ZMYM3: variants seen among roughly 807,000 people sequenced by gnomAD.
ZMYM3 encodes the protein zinc finger MYM-type containing 3.
ZMYM3 carries 6 observed loss-of-function variants against 94.2 expected under a neutral mutation model. That is an observed-to-expected ratio of 0.06 (90% CI 0.03 to 0.13). The LOEUF (loss-of-function observed/expected upper bound fraction) is 0.13, where lower values mean the gene tolerates loss of function less well. Among genes scored for constraint, ZMYM3 ranks in the 10% least tolerant of loss-of-function variants. The pLI, the probability that ZMYM3 is intolerant of heterozygous loss-of-function variation, is 1.00. For missense variants in ZMYM3, 664 were observed against 1,132.6 expected, an observed-to-expected ratio of 0.59 and a Z score of 5.94; for synonymous variants, 420 against 426.5, an observed-to-expected ratio of 0.98 and a Z score of 0.19.
At position 71,251,604 on chromosome X, in the gene ZMYM3, G is replaced by A. The variant is rs1447535831; in HGVS notation, c.668-3C>T. 8.4e-7 allele frequency: 1 copy of A among 1,186,020 alleles called. No homozygotes were observed. Among genetic ancestry groups the A allele is most frequent in the Admixed American group, 2.3e-5 (1 of 43,260 alleles). On this transcript the variant is annotated splice_region_variant and splice_polypyrimidine_tract_variant and intron_variant, in intron 2 of 24. Coordinates refer to ENST00000314425, the MANE Select transcript of ZMYM3 (RefSeq NM_201599.3). The stretch of plus-strand genomic sequence containing the variant: ...CGCCTTCGCAGTCAGGCCATCTCCT[G>A]CAAAGGAAGCAGAAGGCAGCCTAAA...
Position 71,248,812 on chromosome X carries a change from GAGAGAAAGAGAGAGAGGAAA to G in ZMYM3, c.1622-31_1622-12del. 8.6e-7 allele frequency: 1 copy of G among 1,156,976 alleles called. No homozygotes were observed. The highest frequency in any genetic ancestry group is 1.2e-6 in the Non-Finnish European group (1 of 856,137). On this transcript the variant is annotated splice_polypyrimidine_tract_variant and intron_variant, in intron 8 of 24. Coordinates refer to ENST00000314425, the MANE Select transcript of ZMYM3 (RefSeq NM_201599.3). ...AGGGTCGGGGAGGGCCTGGGGCATAGAGAGAAAGAGAGAGAGGAAAAGAGAAAGAGAGAGGGAGAGAGAGA... is the reference window on the plus strand; with the variant it reads ...AGGGTCGGGGAGGGCCTGGGGCATAGAGAGAAAGAGAGAGGGAGAGAGAGA...
chrX:71,248,814 G>A lies in ZMYM3; in HGVS notation c.1622-13C>T, dbSNP rs765817165. 1.7e-6 allele frequency: 2 copies of A among 1,161,453 alleles called. No homozygotes were observed. The highest frequency in any genetic ancestry group is 2.4e-5 in the Admixed American group (1 of 41,815). On this transcript the variant is annotated splice_polypyrimidine_tract_variant and intron_variant, in intron 8 of 24. Transcript: ENST00000314425. ...GGTCGGGGAGGGCCTGGGGCATAGA[G>A]AGAAAGAGAGAGAGGAAAAGAGAAA...
At chrX:71,247,995 C>T (rs923154422) in intron 11 of ZMYM3, 89 bp from the exon 12 acceptor site, 2 of 1,094,199 alleles carry the variant, frequency 1.8e-6, no homozygotes, top group Non-Finnish European at 2.4e-6. Flanking sequence ...ATACCTGAAA[C>T]CTCTCTCTAA....
intron 21 of ZMYM3, among the ~76,000 whole-genome samples, chrX:71,243,352 G>C (rs946947827): frequency 9.0e-6 from 1 of 111,152 alleles, no homozygotes; most frequent in African/African-American, 3.3e-5. Flanking sequence ...ACTTCTCCCA[G>C]GGGGAACTAA....
intron 20 of ZMYM3, 68 bp downstream of exon 20, chrX:71,244,234 C>A: frequency 8.6e-7 from 1 of 1,158,502 alleles, no homozygotes; most frequent in Non-Finnish European, 1.2e-6. Context: ...CAGGCCCAGC[C>A]CCTTCTCCCC....
At chrX:71,242,508 T>C in intron 22 of ZMYM3, 84 bp from the exon 23 acceptor site, 1 of 1,112,351 alleles carries the variant, frequency 9.0e-7, no homozygotes, top group East Asian at 3.0e-5. Context: ...GCCCTGCTCA[T>C]TTCCCACACA....
Position 71,252,027 on chromosome X carries a change from T to C in ZMYM3, c.668-426A>G, listed in dbSNP as rs145552764. On this transcript the variant is annotated intron_variant, in intron 2 of 24. Transcript: ENST00000314425. ...CCCTAAGACCCTCGTCACAGCCTGATAGAGGCACACCACTAGGCAGAAGAG... is the reference window on the plus strand; with the variant it reads ...CCCTAAGACCCTCGTCACAGCCTGACAGAGGCACACCACTAGGCAGAAGAG... 3.9e-3 allele frequency: 755 copies of C among 194,803 alleles called. 1 individual carries two copies. Among genetic ancestry groups the C allele is most frequent in the East Asian group, 0.014 (55 of 3,935 alleles). The allele number at this position is 194,803 out of a possible 1,213,427, so 16.1% of individuals were successfully genotyped here.
At chrX:71,245,894 G>A (rs1006810830) in intron 16 of ZMYM3, 52 bp from the exon 17 acceptor site, 1 of 1,189,226 alleles carries the variant, frequency 8.4e-7, no homozygotes, top group African/African-American at 1.8e-5. Context: ...GCAGTTGGGG[G>A]GAAGTTGGGG....
intron 18 of ZMYM3, 36 bp downstream of exon 18, chrX:71,245,303 A>G (rs765112632): frequency 8.3e-7 from 1 of 1,203,269 alleles, no homozygotes; most frequent in East Asian, 3.0e-5. Flanking sequence ...CACAAATGCT[A>G]CCATACTCAG....
chrX:71,244,605 C>T, intron 19 of ZMYM3, 135 bp from the exon 20 acceptor site: 1 of 874,463 alleles, frequency 1.1e-6, no homozygotes, highest in Non-Finnish European at 1.6e-6. Context: ...AGCACAGAGC[C>T]CCAGGAACAG....
intron 23 of ZMYM3, among the ~76,000 whole-genome samples, chrX:71,241,871 CAA>C (rs1326426425): frequency 1.8e-5 from 2 of 111,876 alleles, no homozygotes; most frequent in Non-Finnish European, 3.8e-5. Context: ...CCCCGACAGC[CAA>C]ACACACCCAA....
chrX:71,242,693 G>A (rs1460232539), intron 22 of ZMYM3, among the ~76,000 whole-genome samples: 18 of 111,844 alleles, frequency 1.6e-4, no homozygotes, highest in Non-Finnish European at 2.4e-4. Context: ...GGAGTCCCAC[G>A]ATTTCTTGCT....
chrX:71,244,540 C>T (rs2030079453), intron 19 of ZMYM3, 70 bp from the exon 20 acceptor site: 5 of 1,128,757 alleles, frequency 4.4e-6, no homozygotes, highest in Non-Finnish European at 4.8e-6. Context: ...TAGTCAGCAC[C>T]ATATTTACTG....
intron 2 of ZMYM3, 62 bp from the exon 3 acceptor site, chrX:71,251,663 C>G: frequency 9.0e-7 from 1 of 1,105,282 alleles, no homozygotes; most frequent in Non-Finnish European, 1.2e-6. Context: ...TCTCCCCGGC[C>G]CAACCCCCGC....
At chrX:71,253,737 C>T (rs1194092682) in intron 1 of ZMYM3, among the ~76,000 whole-genome samples, 1 of 61,726 alleles carries the variant, frequency 1.6e-5, no homozygotes, top group African/African-American at 6.1e-5. Flanking sequence ...GCCCCACCCC[C>T]CCTCCCCGCG....
rs2030248898 is a variant in ZMYM3, at chrX:71,247,717, A to T, written c.2148+17T>A. ...CTGCCCTCTTTCCCGCCTCGCTCGC[A>T]TGCTGACCCTCCTTACCTTGCAGTA... On this transcript the variant is annotated intron_variant, in intron 12 of 24. Coordinates refer to ENST00000314425, the MANE Select transcript of ZMYM3 (RefSeq NM_201599.3). 1 of 1,204,786 alleles carries T rather than the reference A, an allele frequency of 8.3e-7. No homozygotes were observed. The highest frequency in any genetic ancestry group is 1.1e-6 in the Non-Finnish European group (1 of 891,285).
rs1803001 is a variant in ZMYM3 at position 71,239,903 on chromosome X, A to G, written c.*1013T>C. ...GGACCTCCAATGCAAGATGGGGAAGAGAGAAGATGTAGGCAGTGGCGGCAG... is the reference window on the plus strand; with the variant it reads ...GGACCTCCAATGCAAGATGGGGAAGGGAGAAGATGTAGGCAGTGGCGGCAG... On this transcript the variant is annotated 3_prime_UTR_variant, in exon 25 of 25. Coordinates refer to ENST00000314425, the MANE Select transcript of ZMYM3 (RefSeq NM_201599.3). The G allele has an allele frequency of 0.08, 9,046 of 112,643 alleles. 345 individuals carry two copies. Among genetic ancestry groups the G allele is most frequent in the African/African-American group, 0.14 (4,422 of 30,871 alleles). 9.3% of individuals were successfully genotyped at this position (112,643 alleles called of 1,213,427 possible).
chrX:71,248,416 T>C lies in ZMYM3; in HGVS notation c.1824+22A>G, dbSNP rs746603502. The stretch of plus-strand genomic sequence containing the variant: ...GACAGTCTGGTCGTGTGGCAAGACG[T>C]GGGTGGGGGTGGGGCTCTTACCTGC... On this transcript the variant is annotated intron_variant, in intron 10 of 24. Transcript: ENST00000314425. 4 of 1,193,497 alleles carry C rather than the reference T, an allele frequency of 3.4e-6. No homozygotes were observed. In the East Asian group the frequency reaches 1.2e-4, roughly 36 times the overall value.
At position 71,252,704 on chromosome X, in the gene ZMYM3, T is replaced by C. The variant is rs1207953477; in HGVS notation, c.552A>G (p.Pro184=). Residue 184 remains proline, a synonymous_variant, in exon 2 of 25, where the codon CCA becomes CCG. Coordinates refer to ENST00000314425, the MANE Select transcript of ZMYM3 (RefSeq NM_201599.3). ...GQEEELPQGQ[P]QSPNAPPSPS... Reference sequence around the variant, plus strand: ...GGCTAGGCGGGGCATTTGGGCTCTGTGGCTGCCCTTGGGGAAGCTCCTCCT... The same window carrying C: ...GGCTAGGCGGGGCATTTGGGCTCTGCGGCTGCCCTTGGGGAAGCTCCTCCT... The C allele has an allele frequency of 8.3e-7, 1 of 1,202,163 alleles. No homozygotes were observed. The highest frequency in any genetic ancestry group is 1.8e-5 in the South Asian group (1 of 55,085).
Sources: gnomAD v4.1 joint callset for allele counts (sites outside exome capture counted in the v4.1 genomes callset) on GRCh38, gnomAD v4.1.1 for gene constraint, MANE v1.5 for transcripts, NCBI Gene and HGNC (gene_info 2026-07-23, HGNC 2026-07-21) for gene names.